EYS: variants seen among roughly 807,000 people sequenced by gnomAD.
EYS encodes protein eyes shut homolog.
In EYS, 250 loss-of-function variants were observed where a neutral mutation model predicts 282.1. The observed-to-expected ratio is 0.89, with a 90% CI of 0.80 to 0.98. The LOEUF is 0.98. EYS is among the 50% of genes least tolerant of loss of function. The pLI, the probability that EYS is intolerant of heterozygous loss-of-function variation, is 0.00. For synonymous variants in EYS, 1,355 were observed against 1,282.9 expected (o/e 1.06, Z -1.20); for missense variants, 4,016 against 3,709.0 (o/e 1.08, Z -2.15).
intron 31 of EYS, among the ~76,000 whole-genome samples, chr6:64,126,555 T>C (rs1773793865): frequency 6.6e-6 from 1 of 152,006 alleles, no homozygotes; most frequent in South Asian, 2.1e-4. Flanking sequence ...AAACATCACG[T>C]TCTGCACATC....
intron 12 of EYS, among the ~76,000 whole-genome samples, chr6:65,151,692 T>C (rs891158924): frequency 5.3e-5 from 8 of 152,042 alleles, no homozygotes; most frequent in Non-Finnish European, 1.2e-4. Context: ...TACAAACACA[T>C]ATATATGCAT....
chr6:65,513,699 A>C lies in EYS; in HGVS notation c.-332-17706T>G, dbSNP rs562426640. 2.0e-4 allele frequency among the ~76,000 whole-genome samples: 30 copies of C among 152,232 alleles called. No individual in the cohort carries two copies. In the South Asian group the frequency reaches 5.4e-3, roughly 27 times the overall value. On this transcript the variant is annotated intron_variant, in intron 2 of 42. Transcript: ENST00000503581. ...AACCAAAGACAAAAACCACATGATT[A>C]TCTCAATAGATGCAGAAAAGGCCTT...
intron 35 of EYS, among the ~76,000 whole-genome samples, chr6:63,970,656 G>A (rs1325067649): frequency 6.6e-6 from 1 of 151,454 alleles, no homozygotes; most frequent in Non-Finnish European, 1.5e-5. Flanking sequence ...AAAATCTGTG[G>A]GATGATGGAG....
chr6:65,556,938 C>T (rs548231185), intron 2 of EYS, among the ~76,000 whole-genome samples: 4 of 151,982 alleles, frequency 2.6e-5, no homozygotes, highest in Non-Finnish European at 5.9e-5. Flanking sequence ...AAAACAAATA[C>T]CATTATTTGT....
chr6:65,584,418 C>A (rs115923232), intron 2 of EYS, among the ~76,000 whole-genome samples: 4 of 151,818 alleles, frequency 2.6e-5, no homozygotes, highest in Non-Finnish European at 5.9e-5. Context: ...CTAGAACAGG[C>A]GGTATTTATG....
At chr6:65,627,620 G>C (rs986095822) in intron 2 of EYS, among the ~76,000 whole-genome samples, 3 of 152,170 alleles carry the variant, frequency 2.0e-5, no homozygotes, top group African/African-American at 7.2e-5. Flanking sequence ...CGTGGTCTTG[G>C]CGGCCCCACA....
intron 13 of EYS, among the ~76,000 whole-genome samples, chr6:65,035,891 A>G (rs1213701360): frequency 6.8e-6 from 1 of 147,486 alleles, no homozygotes; most frequent in African/African-American, 2.5e-5. Flanking sequence ...TTTGTAATAT[A>G]TATTATATAT....
chr6:65,545,066 A>G (rs1423382299), intron 2 of EYS, among the ~76,000 whole-genome samples: 2 of 152,110 alleles, frequency 1.3e-5, no homozygotes, highest in African/African-American at 4.8e-5. Context: ...ATTACATTTT[A>G]CTGGAAAATA....
intron 12 of EYS, among the ~76,000 whole-genome samples, chr6:65,222,205 C>A (rs1438408961): frequency 6.6e-6 from 1 of 152,100 alleles, no homozygotes; most frequent in Non-Finnish European, 1.5e-5. Context: ...AACTTGAGTG[C>A]ATGAGATTTT....
chr6:65,268,635 A>G (rs1244877017), intron 12 of EYS, among the ~76,000 whole-genome samples: 1 of 152,066 alleles, frequency 6.6e-6, no homozygotes, highest in Admixed American at 6.6e-5. Flanking sequence ...GGAAAGAAAC[A>G]TTTAACTTTG....
At chr6:64,328,027 T>C (rs1264182712) in intron 29 of EYS, among the ~76,000 whole-genome samples, 1 of 152,180 alleles carries the variant, frequency 6.6e-6, no homozygotes, top group African/African-American at 2.4e-5. Context: ...ACAAATTTAT[T>C]TGAATGCACA....
At chr6:65,316,418 C>G (rs917481346) in intron 11 of EYS, among the ~76,000 whole-genome samples, 1 of 150,676 alleles carries the variant, frequency 6.6e-6, no homozygotes. Context: ...CTACAATCAC[C>G]CAGAATGGAT....
At chr6:65,301,149 C>A (rs907999912) in intron 11 of EYS, among the ~76,000 whole-genome samples, 1 of 152,132 alleles carries the variant, frequency 6.6e-6, no homozygotes, top group African/African-American at 2.4e-5. Flanking sequence ...TGATGCTTTG[C>A]ATTTTAAATA....
chr6:65,278,057 C>CTTTTCTTT (rs1562067588), intron 12 of EYS, among the ~76,000 whole-genome samples: 1 of 145,024 alleles, frequency 6.9e-6, no homozygotes, highest in African/African-American at 2.6e-5. Flanking sequence ...CTTTTCTTTT[C>CTTTTCTTT]TTTTTTTCTG....
At chr6:64,286,994 T>C (rs913503923) in intron 30 of EYS, among the ~76,000 whole-genome samples, 1 of 152,122 alleles carries the variant, frequency 6.6e-6, no homozygotes, top group African/African-American at 2.4e-5. Flanking sequence ...AATCTAGAAA[T>C]GTTGGATGCC....
At position 63,909,859 on chromosome 6, in the gene EYS, GA is replaced by G. The variant is rs553518076; in HGVS notation, c.7056-45502del. Among the ~76,000 whole-genome samples the G allele has an allele frequency of 1.4e-4, 22 of 152,270 alleles. 1 individual carries two copies. The South Asian group carries it at 3.9e-3, about 27-fold the overall frequency. ...TCCCCAGGTAATTCTAATAAGCACTGAAGTTTGAGAACCATGACACTACATA... is the reference window on the plus strand; with the variant it reads ...TCCCCAGGTAATTCTAATAAGCACTGAGTTTGAGAACCATGACACTACATA... On this transcript the variant is annotated intron_variant, in intron 35 of 42. Transcript: ENST00000503581.
intron 2 of EYS, among the ~76,000 whole-genome samples, chr6:65,613,559 A>G (rs1464595117): frequency 6.6e-6 from 1 of 151,868 alleles, no homozygotes; most frequent in East Asian, 1.9e-4. Context: ...AGCAATTCAA[A>G]TACATGATCT....
chr6:64,684,212 G>A (rs77524747), intron 22 of EYS, among the ~76,000 whole-genome samples: 4,354 of 152,192 alleles, frequency 0.029, 126 homozygotes, highest in East Asian at 0.14. Context: ...CAAAAAGGTA[G>A]GCTGGAAGAC....
intron 31 of EYS, among the ~76,000 whole-genome samples, chr6:64,205,311 A>T (rs549109835): frequency 6.6e-6 from 1 of 152,114 alleles, no homozygotes; most frequent in South Asian, 2.1e-4. Flanking sequence ...CAGTTTTTAA[A>T]TTATAATTGG....
Sources: allele counts gnomAD v4.1 joint callset (sites outside exome capture counted in the v4.1 genomes callset), GRCh38; gene constraint gnomAD v4.1.1; transcripts MANE v1.5; gene names NCBI Gene and HGNC (gene_info 2026-07-23, HGNC 2026-07-21).